Variants in TSC2 observed in about 807,000 individuals in gnomAD.
TSC2 encodes the protein tuberin.
Under a neutral mutation model 202.2 loss-of-function variants are expected in TSC2, and 29 were observed. The observed-to-expected ratio is 0.14, with a 90% CI of 0.11 to 0.20. The LOEUF (loss-of-function observed/expected upper bound fraction) is 0.20. Ranked by LOEUF, TSC2 falls within the 10% of genes least tolerant of loss-of-function variation. TSC2 has a pLI of 1.00. For missense variants in TSC2, 2,429 were observed against 2,420.0 expected (o/e 1.00, Z -0.08); for synonymous variants, 1,349 against 1,044.0 (o/e 1.29, Z -5.63).
chr16:2,048,808 G>C lies in TSC2; in HGVS notation c.138+55G>C. 1.9e-6 allele frequency: 3 copies of C among 1,612,592 alleles called. No homozygotes were observed. In the South Asian group the frequency reaches 3.3e-5, roughly 18 times the overall value. ...CTAGAGGGAAATGCAGAGAAGGCTG[G>C]GTTTGGTCTTGCACCAGGTTCTGTG... On this transcript the variant is annotated intron_variant, in intron 2 of 41. Coordinates refer to ENST00000219476, the MANE Select transcript of TSC2 (RefSeq NM_000548.5).
At chr16:2,072,543 C>G in intron 20 of TSC2, 180 bp downstream of exon 20, 1 of 1,007,268 alleles carries the variant, frequency 9.9e-7, no homozygotes, top group Admixed American at 2.7e-5. Flanking sequence ...CCTGCCCCAG[C>G]TCGCAGCTTT....
At chr16:2,077,846 C>T in intron 26 of TSC2, 120 bp downstream of exon 26, 1 of 1,524,540 alleles carries the variant, frequency 6.6e-7, no homozygotes. Context: ...CCCTGGCCAG[C>T]CCAGGGGGAG....
Position 2,071,853 on chromosome 16 carries a change from G to C in TSC2, c.2016G>C (p.Pro672=), listed in dbSNP as rs774517903. 1.3e-6 allele frequency: 2 copies of C among 1,565,368 alleles called. No homozygotes were observed. Among genetic ancestry groups the C allele is most frequent in the Non-Finnish European group, 1.7e-6 (2 of 1,156,732 alleles). The change falls in exon 19 of 42, where the codon CCG becomes CCC. Residue 672 remains proline, a synonymous_variant. Transcript: ENST00000219476. ...PLSPPTGPPG[P]APAGPAVRLG... is the part of the protein sequence containing the mutation. ...CTCCTCCCACAGGGCCTCCTGGCCC[G>C]GCGCCTGCAGGCCCCGCCGTGCGGC...
chr16:2,054,500 G>A, intron 5 of TSC2, 60 bp downstream of exon 5: 7 of 1,610,768 alleles, frequency 4.3e-6, no homozygotes, highest in Non-Finnish European at 5.9e-6. Flanking sequence ...TAACCTGGAT[G>A]GGAAGGACCT....
At chr16:2,075,323 C>T (rs903200795) in intron 22 of TSC2, 11 of 178,506 alleles carry the variant, frequency 6.2e-5, no homozygotes, top group East Asian at 3.0e-4. Context: ...GTCAGGAGAT[C>T]GAGACCATCT....
chr16:2,048,453 G>C, intron 1 of TSC2, 134 bp from the exon 2 acceptor site: 1 of 1,163,310 alleles, frequency 8.6e-7, no homozygotes, highest in Non-Finnish European at 1.3e-6. Context: ...GGCTGTAGTT[G>C]AGTTCTCCCA....
Position 2,058,786 on chromosome 16 carries a change from G to A in TSC2, c.888G>A (p.Val296=). 6.3e-7 allele frequency: 1 copy of A among 1,594,602 alleles called. No homozygotes were observed. Among genetic ancestry groups the A allele is most frequent in the South Asian group, 1.1e-5 (1 of 87,962 alleles). ...ACGCGCCCCTGCTGAGAGGAGCCGT[G>A]TTTTTTGTGGGCATGGCTCTCTGGG... The part of the protein sequence containing the change: ...MEDAPLLRGA[V]FFVGMALWGA... The change falls in exon 10 of 42, where the codon GTG becomes GTA. Residue 296 remains valine (V), a synonymous_variant. Transcript: ENST00000219476.
chr16:2,054,549 C>T lies in TSC2; in HGVS notation c.481+109C>T, dbSNP rs917881583. Reference sequence around the variant, plus strand: ...GGCTGCCGTTCTCAGGGATGGCCTGCAGCGGGTATGCCCACCCTGCTTCAT... The same window carrying T: ...GGCTGCCGTTCTCAGGGATGGCCTGTAGCGGGTATGCCCACCCTGCTTCAT... On this transcript the variant is annotated intron_variant, in intron 5 of 41. Coordinates refer to ENST00000219476, the MANE Select transcript of TSC2 (RefSeq NM_000548.5). The T allele has an allele frequency of 2.6e-6, 4 of 1,521,308 alleles. No homozygotes were observed. In the Admixed American group the frequency reaches 6.7e-5, roughly 26 times the overall value. 94.2% of individuals were successfully genotyped at this position (1,521,308 alleles called of 1,614,324 possible).
At chr16:2,082,183 A>C (rs2090226183) in intron 31 of TSC2, 4 of 601,244 alleles carry the variant, frequency 6.7e-6, no homozygotes, top group Non-Finnish European at 1.2e-5. Context: ...GCTTCTCGCC[A>C]GGCCCTCTGG....
chr16:2,087,062 G>C, intron 38 of TSC2, 191 bp downstream of exon 38: 1 of 824,160 alleles, frequency 1.2e-6, no homozygotes. Flanking sequence ...GAAGCCTGTG[G>C]CGCCTGCTGC....
chr16:2,048,674 G>T lies in TSC2; in HGVS notation c.59G>T (p.Gly20Val), dbSNP rs2150971313. Residue 20 changes from glycine to valine, a missense_variant, in exon 2 of 42, where the codon GGA (glycine) becomes GTA (valine). By Grantham distance (109) the Gly-to-Val change is moderately radical (BLOSUM62 -3). Transcript: ENST00000219476. ...AAGGAGAAGTTTAAGATTCTGTTGG[G>T]ACTGGGAACACCGAGGCCAAATCCC... ...GLKEKFKILL[G>V]LGTPRPNPRS... is the part of the protein sequence containing the mutation. 1 of 1,614,006 alleles carries T rather than the reference G, an allele frequency of 6.2e-7. No individual in the cohort carries two copies. Among genetic ancestry groups the T allele is most frequent in the Non-Finnish European group, 8.5e-7 (1 of 1,180,030 alleles).
chr16:2,055,039 C>G (rs898031505), intron 5 of TSC2: 1 of 389,130 alleles, frequency 2.6e-6, no homozygotes, highest in East Asian at 6.0e-5. Context: ...AGTGTGCACA[C>G]GTCTCCTCCG....
chr16:2,061,083 A>G (rs1451406398), intron 11 of TSC2: 4 of 500,928 alleles, frequency 8.0e-6, no homozygotes, highest in African/African-American at 5.8e-5. Flanking sequence ...CCGCAGAGTG[A>G]CCTGCAGGCC....
chr16:2,075,222 C>CAA (rs56038642), intron 22 of TSC2: 6 of 107,858 alleles, frequency 5.6e-5, no homozygotes, highest in South Asian at 2.6e-4. Context: ...GACACCGTCT[C>CAA]AAAAAAAAAA....
chr16:2,050,038 C>T (rs908247660), intron 2 of TSC2, among the ~76,000 whole-genome samples: 4 of 149,194 alleles, frequency 2.7e-5, no homozygotes, highest in Admixed American at 6.7e-5. Context: ...TCACTGCAAT[C>T]TCCGCCTCCT....
chr16:2,056,959 C>G (rs555965958), intron 8 of TSC2, 146 bp from the exon 9 acceptor site: 12 of 1,355,928 alleles, frequency 8.9e-6, no homozygotes, highest in Non-Finnish European at 9.2e-6. Context: ...GAGAACCCTG[C>G]TGCCTCTGTC....
At chr16:2,088,205 C>T (rs376267429) in intron 40 of TSC2, 22 bp from the exon 41 acceptor site, 1 of 1,613,042 alleles carries the variant, frequency 6.2e-7, no homozygotes, top group Non-Finnish European at 8.5e-7. Context: ...ATAGTGAGCT[C>T]ACCCCCTGCC....
chr16:2,075,784 T>G lies in TSC2; in HGVS notation c.2546-15T>G, dbSNP rs371256839. 6.2e-7 allele frequency: 1 copy of G among 1,611,740 alleles called. No individual in the cohort carries two copies. The highest frequency in any genetic ancestry group is 1.3e-5 in the African/African-American group (1 of 74,894). Reference sequence around the variant, plus strand: ...GGGACCCCGGCTCCCCTGACCACCCTCTCCATTACCGCAGCTCTGGCCAGG... The same window carrying G: ...GGGACCCCGGCTCCCCTGACCACCCGCTCCATTACCGCAGCTCTGGCCAGG... On this transcript the variant is annotated splice_polypyrimidine_tract_variant and intron_variant, in intron 22 of 41. Transcript: ENST00000219476.
Position 2,080,203 on chromosome 16 carries a change from G to A in TSC2, c.3436G>A (p.Ala1146Thr), listed in dbSNP as rs1437771620. Residue 1146 changes from alanine to threonine, a missense_variant, in exon 30 of 42, where the codon GCC (alanine) becomes ACC (threonine). Transcript: ENST00000219476. ...TCGAGTTGGCGCCCTGGACGTGCCG[G>A]CCTCCCAGTTCCTGGGCAGTGCCAC... ...GLRVGALDVP[A>T]SQFLGSATSP... is the part of the protein sequence containing the mutation. 1 of 1,612,938 alleles carries A rather than the reference G, an allele frequency of 6.2e-7. No individual in the cohort carries two copies. Among genetic ancestry groups the A allele is most frequent in the South Asian group, 1.1e-5 (1 of 91,086 alleles).
Sources: gnomAD v4.1 joint callset for allele counts (sites outside exome capture counted in the v4.1 genomes callset) on GRCh38, gnomAD v4.1.1 for gene constraint, MANE v1.5 for transcripts, NCBI Gene and HGNC (gene_info 2026-07-23, HGNC 2026-07-21) for gene names.